Variants in TLK2 observed in about 807,000 individuals in gnomAD.
TLK2 encodes tousled like kinase 2.
Under a neutral mutation model 117.3 loss-of-function variants are expected in TLK2, and 6 were observed. The ratio of observed to expected loss-of-function variants is 0.05; its 90% CI spans 0.03 to 0.10. The LOEUF is 0.10. TLK2 is among the 10% of genes least tolerant of loss of function. The probability of loss-of-function intolerance (pLI) is 1.00; values close to 1 mark genes in which losing one functional copy is unlikely to be tolerated. For synonymous variants in TLK2, 257 were observed against 316.7 expected (o/e 0.81, Z 2.00); for missense variants, 299 against 901.2 (o/e 0.33, Z 8.56).
At chr17:62,477,185 T>C (rs2071075781), upstream of TLK2, among the ~76,000 whole-genome samples, 1 of 152,322 alleles carries the variant, frequency 6.6e-6, no homozygotes, top group South Asian at 2.1e-4. Context: ...TCACTGTCTT[T>C]TGTGTTGCCT....
At chr17:62,530,107 T>G (rs2145719555) in intron 6 of TLK2, among the ~76,000 whole-genome samples, 1 of 152,128 alleles carries the variant, frequency 6.6e-6, no homozygotes, top group Non-Finnish European at 1.5e-5. Flanking sequence ...ACCCTGTCTC[T>G]ACTAAAAATA....
At chr17:62,591,583 T>G (rs999805010) in intron 16 of TLK2, among the ~76,000 whole-genome samples, 1 of 152,048 alleles carries the variant, frequency 6.6e-6, no homozygotes, top group Non-Finnish European at 1.5e-5. Context: ...GGCAAGTCGT[T>G]TTTTGGAAAA....
chr17:62,545,973 C>G (rs1055032863), intron 7 of TLK2, among the ~76,000 whole-genome samples: 3 of 152,100 alleles, frequency 2.0e-5, no homozygotes, highest in Admixed American at 1.3e-4. Flanking sequence ...CCTCTGCTTC[C>G]CAGATTCAAG....
At chr17:62,524,768 T>C (rs1212894584) in intron 6 of TLK2, among the ~76,000 whole-genome samples, 1 of 152,242 alleles carries the variant, frequency 6.6e-6, no homozygotes, top group Non-Finnish European at 1.5e-5. Context: ...GTTTCCAGCC[T>C]GTAAAAGAGA....
At chr17:62,596,497 G>C (rs1464927911) in intron 16 of TLK2, 88 bp from the exon 17 acceptor site, 1 of 981,550 alleles carries the variant, frequency 1.0e-6, no homozygotes, top group African/African-American at 1.6e-5. Flanking sequence ...AGACAATAGA[G>C]AAATGATTGA....
chr17:62,537,360 C>T (rs2077187022), intron 7 of TLK2, among the ~76,000 whole-genome samples: 1 of 152,194 alleles, frequency 6.6e-6, no homozygotes, highest in African/African-American at 2.4e-5. Flanking sequence ...GAAAGAGATA[C>T]AACGCTCCTT....
At chr17:62,541,081 GCT>G (rs2077496957) in intron 7 of TLK2, among the ~76,000 whole-genome samples, 1 of 152,088 alleles carries the variant, frequency 6.6e-6, no homozygotes, top group African/African-American at 2.4e-5. Context: ...ATCATGCCCT[GCT>G]CTCTCAGTTC....
At chr17:62,575,689 CTTTCT>C (rs377195829) in intron 12 of TLK2, among the ~76,000 whole-genome samples, 20 of 151,762 alleles carry the variant, frequency 1.3e-4, no homozygotes, top group Middle Eastern at 3.4e-3. Flanking sequence ...CTCTCTCTCT[CTTTCT>C]TTTCTTTTCT....
chr17:62,597,273 A>T (rs1395831536), intron 17 of TLK2: 1 of 152,144 alleles, frequency 6.6e-6, no homozygotes, highest in Non-Finnish European at 1.5e-5. Flanking sequence ...GTGGACTTTT[A>T]TTACTGGCTT....
intron 7 of TLK2, chr17:62,551,629 CG>C (rs1486913306): frequency 6.6e-6 from 1 of 151,616 alleles, no homozygotes; most frequent in Admixed American, 6.6e-5. Flanking sequence ...GGCATGAACC[CG>C]GGAGGCAGAG....
chr17:62,565,710 T>G (rs1299754372), intron 11 of TLK2, among the ~76,000 whole-genome samples: 1 of 151,810 alleles, frequency 6.6e-6, no homozygotes, highest in Non-Finnish European at 1.5e-5. Flanking sequence ...TCAGAATTGC[T>G]GAAGCTAAGG....
chr17:62,591,357 TAAAA>T (rs112140835), intron 16 of TLK2, among the ~76,000 whole-genome samples: 1 of 144,500 alleles, frequency 6.9e-6, no homozygotes, highest in Non-Finnish European at 1.5e-5. Flanking sequence ...ATATGTAATT[TAAAA>T]AAAAAAAAAA....
chr17:62,488,137 G>T (rs1323403037), intron 2 of TLK2, among the ~76,000 whole-genome samples: 1 of 150,882 alleles, frequency 6.6e-6, no homozygotes, highest in African/African-American at 2.4e-5. Context: ...GTTTTACCAT[G>T]TTGGCCAGGC....
At chr17:62,475,330 G>A (rs1304680523), upstream of TLK2, among the ~76,000 whole-genome samples, 2 of 152,096 alleles carry the variant, frequency 1.3e-5, no homozygotes, top group Non-Finnish European at 2.9e-5. Context: ...ACACTGGCCT[G>A]TCAAGAATAA....
In TLK2 at chr17:62,577,073, G is replaced by T. The variant is rs566717299; in HGVS notation, c.1188+298G>T. On this transcript the variant is annotated intron_variant, in intron 13 of 21. Coordinates refer to ENST00000346027, the MANE Select transcript of TLK2 (RefSeq NM_006852.6). ...CACCTCCCGGGCTCAAGCGATTCTC[G>T]TGTCTCAGCCTCCTGACTAGCTGGG... 5.5e-5 allele frequency among the ~76,000 whole-genome samples: 8 copies of T among 146,346 alleles called. No homozygotes were observed. The Admixed American group carries it at 5.7e-4, about 10-fold the overall frequency.
In TLK2 at chr17:62,606,190, T is replaced by C; in HGVS notation, c.1920T>C (p.Val640=). Residue 640 remains valine (V), a synonymous_variant, in exon 20 of 22, where the codon GTT becomes GTC. Coordinates refer to ENST00000346027, the MANE Select transcript of TLK2 (RefSeq NM_006852.6). ...GKEPPKISNK[V]DVWSVGVIFY... is the part of the protein sequence containing the mutation. ...AACCACCAAAGATCTCAAATAAAGT[T>C]GATGTGTGGTCGGTGGGTGTGATCT... 1 of 1,603,632 alleles carries C rather than the reference T, an allele frequency of 6.2e-7. No homozygotes were observed. Among genetic ancestry groups the C allele is most frequent in the Non-Finnish European group, 8.5e-7 (1 of 1,172,942 alleles).
chr17:62,511,047 C>T (rs2145242749), intron 2 of TLK2, among the ~76,000 whole-genome samples: 1 of 152,290 alleles, frequency 6.6e-6, no homozygotes, highest in Admixed American at 6.5e-5. Flanking sequence ...CACCGTGCAT[C>T]TCTCCTCATG....
intron 2 of TLK2, among the ~76,000 whole-genome samples, chr17:62,501,602 TA>T (rs921888282): frequency 2.0e-4 from 29 of 145,296 alleles, no homozygotes; most frequent in African/African-American, 5.8e-4. Flanking sequence ...AAAAACAAAT[TA>T]AAAAAAAAAG....
chr17:62,565,216 A>G (rs1377601900), intron 11 of TLK2, 79 bp downstream of exon 11: 2 of 1,510,350 alleles, frequency 1.3e-6, no homozygotes, highest in Non-Finnish European at 1.8e-6. Context: ...TGTAGTCATT[A>G]ATAATCCTAC....
Sources: allele counts gnomAD v4.1 joint callset (sites outside exome capture counted in the v4.1 genomes callset), GRCh38; gene constraint gnomAD v4.1.1; transcripts MANE v1.5; gene names NCBI Gene and HGNC (gene_info 2026-07-23, HGNC 2026-07-21).